DCP1A: variants seen among roughly 807,000 people sequenced by gnomAD.
DCP1A encodes decapping mRNA 1A, also known as mRNA-decapping enzyme 1A.
A neutral mutation model predicts 58.0 loss-of-function variants in DCP1A; 20 were observed. That is an observed-to-expected ratio of 0.34 (90% CI 0.24 to 0.50). DCP1A has a LOEUF of 0.50. DCP1A is among the 20% of genes least tolerant of loss of function. The probability of loss-of-function intolerance (pLI) is 0.98; values close to 1 mark genes in which losing one functional copy is unlikely to be tolerated. For missense variants in DCP1A, 613 were observed against 712.2 expected (o/e 0.86, Z 1.59); for synonymous variants, 285 against 275.1 (o/e 1.04, Z -0.36).
Position 53,342,204 on chromosome 3 carries a change from C to T in DCP1A, c.244G>A (p.Val82Met), listed in dbSNP as rs1553692604. The change falls in exon 3 of 10, where the codon GTG (valine) becomes ATG (methionine). Residue 82 changes from valine (V) to methionine (M), a missense_variant. Around this residue, in one of 3 missense-constraint regions of DCP1A, gnomAD observed 65 missense variants for 118.5 expected, o/e 0.55. Transcript: ENST00000610213. The part of the protein sequence containing the change: ...RLNMHNLVEP[V>M]NKDLEFQLHE... ...AGCTGAAATTCCAAATCTTTATTCACTGGTTCAACTAGATTGTGCATATTT... is the reference window on the plus strand; with the variant it reads ...AGCTGAAATTCCAAATCTTTATTCATTGGTTCAACTAGATTGTGCATATTT... The T allele has an allele frequency of 1.6e-5, 25 of 1,603,776 alleles. No individual in the cohort carries two copies. The highest frequency in any genetic ancestry group is 2.0e-5 in the Non-Finnish European group (23 of 1,173,714).
At chr3:53,343,336 G>A (rs527363355) in intron 2 of DCP1A, among the ~76,000 whole-genome samples, 34 of 152,208 alleles carry the variant, frequency 2.2e-4, no homozygotes, top group East Asian at 2.1e-3. Flanking sequence ...TCCAAGGTAC[G>A]CAAAATAGTC....
intron 2 of DCP1A, among the ~76,000 whole-genome samples, chr3:53,342,573 C>T (rs1218435922): frequency 1.3e-5 from 2 of 152,196 alleles, no homozygotes; most frequent in African/African-American, 4.8e-5. Context: ...TCCTACTCTC[C>T]AGCCACACCG....
At position 53,332,870 on chromosome 3, in the gene DCP1A, A is replaced by T. The variant is rs892137322; in HGVS notation, c.304+9274T>A. Reference sequence around the variant, plus strand: ...AAGACTCCGTTTCAAAAAAAAAAAAAGAAATTTCTACTTTTTGCAATTAAT... The same window carrying T: ...AAGACTCCGTTTCAAAAAAAAAAAATGAAATTTCTACTTTTTGCAATTAAT... On this transcript the variant is annotated intron_variant, in intron 3 of 9. Transcript: ENST00000610213. 2.0e-5 allele frequency among the ~76,000 whole-genome samples: 3 copies of T among 152,080 alleles called. 1 individual carries two copies.
In DCP1A at chr3:53,283,452, AATTTT is replaced by A. The variant is rs1338137647; in HGVS notation, c.*4123_*4127del. On this transcript the variant is annotated 3_prime_UTR_variant, in exon 10 of 10. Coordinates refer to ENST00000610213, the MANE Select transcript of DCP1A (RefSeq NM_018403.7). ...AGTAGGTGCTAAAACTTGGTTTTGA[AATTTT>A]ATTAAAAAAATATATTTGCAAACAT... The A allele has an allele frequency of 2.6e-5, 4 of 152,356 alleles. No homozygotes were observed. Among genetic ancestry groups the A allele is most frequent in the African/African-American group, 9.6e-5 (4 of 41,586 alleles). 9.4% of individuals were successfully genotyped at this position (152,356 alleles called of 1,614,324 possible).
chr3:53,306,719 C>T (rs1399399379), intron 5 of DCP1A, among the ~76,000 whole-genome samples: 2 of 138,784 alleles, frequency 1.4e-5, no homozygotes, highest in Non-Finnish European at 3.0e-5. Context: ...TGCAGTGAGC[C>T]GAGATTGGGC....
chr3:53,319,319 G>A (rs1707895796), intron 4 of DCP1A, 88 bp downstream of exon 4: 5 of 840,014 alleles, frequency 6.0e-6, no homozygotes, highest in Non-Finnish European at 9.1e-6. Flanking sequence ...ACATGAGTTG[G>A]CAGACTTTAG....
At chr3:53,307,823 A>G (rs782143621) in intron 5 of DCP1A, among the ~76,000 whole-genome samples, 1 of 152,236 alleles carries the variant, frequency 6.6e-6, no homozygotes, top group Non-Finnish European at 1.5e-5. Flanking sequence ...TTTTACAAGG[A>G]TTTAGCTATA....
chr3:53,317,675 A>G (rs1707852610), intron 4 of DCP1A, among the ~76,000 whole-genome samples: 1 of 152,212 alleles, frequency 6.6e-6, no homozygotes, highest in Non-Finnish European at 1.5e-5. Flanking sequence ...ATACGGCAAC[A>G]TCCTATCTCA....
intron 2 of DCP1A, among the ~76,000 whole-genome samples, chr3:53,343,930 G>A (rs1344057451): frequency 6.6e-6 from 1 of 152,072 alleles, no homozygotes. Flanking sequence ...CTTTTTAAAA[G>A]CAGAAAGATG....
intron 6 of DCP1A, among the ~76,000 whole-genome samples, chr3:53,300,575 G>A (rs539506967): frequency 1.3e-5 from 2 of 152,182 alleles, no homozygotes; most frequent in South Asian, 2.1e-4. Context: ...CTGACCTCAG[G>A]TGATCCACTT....
At chr3:53,344,831 G>C in intron 2 of DCP1A, 71 bp downstream of exon 2, 1 of 1,176,032 alleles carries the variant, frequency 8.5e-7, no homozygotes, top group Non-Finnish European at 1.2e-6. Context: ...AAATGTACAA[G>C]AGAATTGAAC....
intron 5 of DCP1A, among the ~76,000 whole-genome samples, chr3:53,307,515 C>T (rs1707512578): frequency 1.3e-5 from 2 of 152,168 alleles, no homozygotes; most frequent in African/African-American, 4.8e-5. Context: ...ATTTGATTTG[C>T]AATTCTTAAG....
intron 5 of DCP1A, among the ~76,000 whole-genome samples, chr3:53,306,276 T>G (rs1252482744): frequency 6.6e-6 from 1 of 152,236 alleles, no homozygotes; most frequent in African/African-American, 2.4e-5. Context: ...CTATGAAATA[T>G]CTCAATCTTT....
In DCP1A at chr3:53,304,231, G is replaced by A. The variant is rs1707397829; in HGVS notation, c.570C>T (p.Ser190=). The A allele has an allele frequency of 1.9e-6, 3 of 1,613,594 alleles. No homozygotes were observed. Among genetic ancestry groups the A allele is most frequent in the African/African-American group, 1.3e-5 (1 of 74,848 alleles). Residue 190 remains serine, a synonymous_variant, in exon 6 of 10, where the codon TCC becomes TCT. Coordinates refer to ENST00000610213, the MANE Select transcript of DCP1A (RefSeq NM_018403.7). The part of the protein sequence containing the change: ...SPGLQPSTQL[S]NLGSTETLEE... ...CTAGAGTCTCGGTGCTTCCCAGATTGGAGAGCTGAGTGCTTGGCTGTAACC... is the reference window on the plus strand; with the variant it reads ...CTAGAGTCTCGGTGCTTCCCAGATTAGAGAGCTGAGTGCTTGGCTGTAACC...
At chr3:53,322,905 G>C (rs1245011532) in intron 3 of DCP1A, among the ~76,000 whole-genome samples, 1 of 151,020 alleles carries the variant, frequency 6.6e-6, no homozygotes, top group Admixed American at 6.6e-5. Context: ...TCTGCCTCCC[G>C]TGTTCACGCC....
chr3:53,307,511 T>C (rs574921362), intron 5 of DCP1A, among the ~76,000 whole-genome samples: 13 of 152,196 alleles, frequency 8.5e-5, no homozygotes, highest in Non-Finnish European at 8.8e-5. Flanking sequence ...GGGCATTTGA[T>C]TTGCAATTCT....
At chr3:53,287,963 G>A (rs1032732812) in intron 9 of DCP1A, 102 bp downstream of exon 9, 40 of 1,206,178 alleles carry the variant, frequency 3.3e-5, no homozygotes, top group South Asian at 1.8e-4. Flanking sequence ...CCTCCAGCTA[G>A]TCTTTTGAAT....
intron 3 of DCP1A, among the ~76,000 whole-genome samples, chr3:53,340,345 T>C (rs1006808867): frequency 6.6e-6 from 1 of 152,248 alleles, no homozygotes; most frequent in African/African-American, 2.4e-5. Context: ...GCATGTCTAA[T>C]ATGTCCACAG....
chr3:53,305,811 C>T (rs782374649), intron 5 of DCP1A, among the ~76,000 whole-genome samples: 5 of 151,484 alleles, frequency 3.3e-5, no homozygotes, highest in Non-Finnish European at 5.9e-5. Context: ...TTTTTTTTGT[C>T]GCATATGGAC....
Sources: allele counts gnomAD v4.1 joint callset (sites outside exome capture counted in the v4.1 genomes callset), GRCh38; gene constraint gnomAD v4.1.1; regional missense constraint gnomAD v4.1.1; transcripts MANE v1.5; gene names NCBI Gene and HGNC (gene_info 2026-07-23, HGNC 2026-07-21).